Variants in EFNA5 observed in about 807,000 individuals in gnomAD.
The protein encoded by EFNA5 is ephrin-A5.
Under a neutral mutation model 22.9 loss-of-function variants are expected in EFNA5, and 5 were observed. The ratio of observed to expected loss-of-function variants is 0.22; its 90% CI spans 0.11 to 0.46. EFNA5 has a LOEUF of 0.46. Among genes scored for constraint, EFNA5 ranks in the 20% least tolerant of loss-of-function variants. EFNA5 has a pLI of 0.99. For synonymous variants in EFNA5, 113 were observed against 112.2 expected (o/e 1.01, Z -0.04); for missense variants, 237 against 293.3 (o/e 0.81, Z 1.40).
chr5:107,669,522 C>G (rs1751141637), intron 1 of EFNA5, among the ~76,000 whole-genome samples: 1 of 152,068 alleles, frequency 6.6e-6, no homozygotes, highest in South Asian at 2.1e-4. Context: ...CCGCCGGGCA[C>G]TCTGGATAAC....
rs1031208938 is a variant in EFNA5 at position 107,377,522 on chromosome 5, T to C, written c.*3733A>G. On this transcript the variant is annotated 3_prime_UTR_variant, in exon 5 of 5. Transcript: ENST00000333274. ...ATGGAAAGGAGGAGTTGAAAACTGTTTTTCTAATTATTTGAAAATAATACA... is the reference window on the plus strand; with the variant it reads ...ATGGAAAGGAGGAGTTGAAAACTGTCTTTCTAATTATTTGAAAATAATACA... 6.6e-6 allele frequency: 1 copy of C among 152,142 alleles called. No homozygotes were observed. The highest frequency in any genetic ancestry group is 2.4e-5 in the African/African-American group (1 of 41,414). The allele number at this position is 152,142 out of a possible 1,614,324, so 9.4% of individuals were successfully genotyped here.
At chr5:107,505,413 A>T (rs1289385984) in intron 1 of EFNA5, among the ~76,000 whole-genome samples, 2 of 152,242 alleles carry the variant, frequency 1.3e-5, no homozygotes, top group Non-Finnish European at 2.9e-5. Context: ...ACAAATCTGC[A>T]AACATTGCCT....
Position 107,427,334 on chromosome 5 carries a change from C to T in EFNA5, c.301G>A (p.Glu101Lys). 1 of 1,614,074 alleles carries T rather than the reference C, an allele frequency of 6.2e-7. No homozygotes were observed. The highest frequency in any genetic ancestry group is 8.5e-7 in the Non-Finnish European group (1 of 1,179,996). ...DHTSKGFKRW[E>K]CNRPHSPNGP... ...TTTGGAGAGTGAGGCCGGTTACATT[C>T]CCATCTCTTGAACCCTTTGGAAGTG... Residue 101 changes from glutamate to lysine, a missense_variant, in exon 2 of 5, where the codon GAA becomes AAA. Physicochemically the swap from Glu to Lys is moderately conservative, Grantham distance 56. Around this residue, in one of 3 missense-constraint regions of EFNA5, gnomAD observed 120 missense variants for 140.5 expected, o/e 0.85. Transcript: ENST00000333274.
chr5:107,467,751 C>T (rs940788978), intron 1 of EFNA5, among the ~76,000 whole-genome samples: 5 of 152,086 alleles, frequency 3.3e-5, no homozygotes, highest in Non-Finnish European at 7.4e-5. Flanking sequence ...CTAATGGCAG[C>T]GGACCCAGAG....
rs144831192 is a variant in EFNA5 at position 107,491,904 on chromosome 5, G to A, written c.126-64395C>T. On this transcript the variant is annotated intron_variant, in intron 1 of 4. Coordinates refer to ENST00000333274, the MANE Select transcript of EFNA5 (RefSeq NM_001962.3). ...CTAGAGTGTGCAGTGGTGCAATCTCGGCTCACTGCAACCTCCGCCTCCAGG... is the reference window on the plus strand; with the variant it reads ...CTAGAGTGTGCAGTGGTGCAATCTCAGCTCACTGCAACCTCCGCCTCCAGG... 1.3e-3 allele frequency among the ~76,000 whole-genome samples: 197 copies of A among 151,498 alleles called. 1 individual carries two copies. The highest frequency in any genetic ancestry group is 4.7e-3 in the African/African-American group (193 of 41,292).
At chr5:107,581,202 T>C (rs1462596376) in intron 1 of EFNA5, among the ~76,000 whole-genome samples, 3 of 152,154 alleles carry the variant, frequency 2.0e-5, no homozygotes, top group African/African-American at 7.2e-5. Context: ...TCCAGAAACA[T>C]CGCATTTTTC....
At chr5:107,413,642 T>C (rs1748428728) in intron 2 of EFNA5, among the ~76,000 whole-genome samples, 1 of 152,212 alleles carries the variant, frequency 6.6e-6, no homozygotes, top group Non-Finnish European at 1.5e-5. Context: ...GGCTTTCTGA[T>C]TCTTATCCTA....
chr5:107,501,124 A>T (rs1747124278), intron 1 of EFNA5, among the ~76,000 whole-genome samples: 2 of 152,334 alleles, frequency 1.3e-5, no homozygotes, highest in South Asian at 4.1e-4. Context: ...CAACTTCTAC[A>T]AGCCTTCTAC....
chr5:107,428,468 G>A (rs1445213647), intron 1 of EFNA5, among the ~76,000 whole-genome samples: 1 of 152,136 alleles, frequency 6.6e-6, no homozygotes, highest in Non-Finnish European at 1.5e-5. Context: ...TCTCACAAAA[G>A]TTTTGCTTAT....
intron 2 of EFNA5, among the ~76,000 whole-genome samples, chr5:107,395,357 A>C (rs1199859400): frequency 1.3e-5 from 2 of 152,102 alleles, no homozygotes; most frequent in Non-Finnish European, 2.9e-5. Context: ...GTTCTGCCTA[A>C]GGAAAATTTA....
intron 2 of EFNA5, among the ~76,000 whole-genome samples, chr5:107,421,737 A>G (rs1428880043): frequency 1.3e-5 from 2 of 152,090 alleles, no homozygotes; most frequent in African/African-American, 2.4e-5. Context: ...TAAAAAATAT[A>G]AAGTGTATTT....
At chr5:107,500,032 A>G (rs1476916094) in intron 1 of EFNA5, among the ~76,000 whole-genome samples, 2 of 152,198 alleles carry the variant, frequency 1.3e-5, no homozygotes, top group Non-Finnish European at 2.9e-5. Flanking sequence ...TCCACAGCAC[A>G]AAGCAGTTGT....
chr5:107,632,734 A>T (rs1236230532), intron 1 of EFNA5, among the ~76,000 whole-genome samples: 1 of 152,200 alleles, frequency 6.6e-6, no homozygotes, highest in African/African-American at 2.4e-5. Flanking sequence ...CTATAACAGA[A>T]AATTCAGAGG....
At chr5:107,386,845 A>C (rs1047220965) in intron 4 of EFNA5, among the ~76,000 whole-genome samples, 3 of 152,334 alleles carry the variant, frequency 2.0e-5, no homozygotes, top group Non-Finnish European at 4.4e-5. Context: ...TTTGGACATA[A>C]AAAATAAAAT....
chr5:107,473,444 G>A (rs1416080391), intron 1 of EFNA5, among the ~76,000 whole-genome samples: 6 of 152,060 alleles, frequency 3.9e-5, no homozygotes, highest in Non-Finnish European at 8.8e-5. Flanking sequence ...AGAGCCAGGT[G>A]TCTGCTCACT....
intron 1 of EFNA5, among the ~76,000 whole-genome samples, chr5:107,548,159 A>G (rs1192931399): frequency 6.6e-6 from 1 of 152,254 alleles, no homozygotes; most frequent in Non-Finnish European, 1.5e-5. Context: ...AAGGAAGCAC[A>G]TCTAACATAA....
intron 1 of EFNA5, among the ~76,000 whole-genome samples, chr5:107,638,289 G>T (rs2112541918): frequency 6.6e-6 from 1 of 152,192 alleles, no homozygotes; most frequent in African/African-American, 2.4e-5. Context: ...ATATGCAGAG[G>T]CTAAAAAAGT....
intron 1 of EFNA5, among the ~76,000 whole-genome samples, chr5:107,540,928 G>C (rs1748032651): frequency 6.6e-6 from 1 of 152,150 alleles, no homozygotes; most frequent in South Asian, 2.1e-4. Context: ...CCAACATGGT[G>C]AAGCCCTGTC....
chr5:107,484,550 A>G (rs981185946), intron 1 of EFNA5, among the ~76,000 whole-genome samples: 15 of 152,178 alleles, frequency 9.9e-5, no homozygotes, highest in Admixed American at 4.6e-4. Context: ...AATTCTTCTG[A>G]GTTTAAGATA....
Sources: gnomAD v4.1 joint callset for allele counts (sites outside exome capture counted in the v4.1 genomes callset) on GRCh38, gnomAD v4.1.1 for gene constraint, gnomAD v4.1.1 regional missense constraint, MANE v1.5 for transcripts, NCBI Gene and HGNC (gene_info 2026-07-23, HGNC 2026-07-21) for gene names.